CPVL: variants seen among roughly 807,000 people sequenced by gnomAD.
CPVL encodes the protein carboxypeptidase vitellogenic like.
In CPVL, 51 loss-of-function variants were observed where a neutral mutation model predicts 63.7. The observed-to-expected ratio is 0.80, with a 90% CI of 0.64 to 1.01. CPVL has a LOEUF of 1.01. Among genes scored for constraint, CPVL ranks in the 50% least tolerant of loss-of-function variants. The pLI, the probability that CPVL is intolerant of heterozygous loss-of-function variation, is 0.00. For synonymous variants in CPVL, 195 were observed against 206.0 expected (o/e 0.95, Z 0.46); for missense variants, 530 against 573.1 (o/e 0.92, Z 0.77).
intron 3 of CPVL, among the ~76,000 whole-genome samples, chr7:29,105,663 T>C (rs1787650962): frequency 6.6e-6 from 1 of 152,150 alleles, no homozygotes; most frequent in East Asian, 1.9e-4. Context: ...ATTTAATTTA[T>C]TTTTTTACTT....
intron 12 of CPVL, chr7:29,009,985 A>G (rs960376399): frequency 4.6e-5 from 7 of 152,312 alleles, no homozygotes; most frequent in Middle Eastern, 3.4e-3. Flanking sequence ...GAAATTTAAC[A>G]TGTTCTCTGC....
At chr7:29,146,679 A>G (rs1172585656), upstream of CPVL, 2 of 1,550,554 alleles carry the variant, frequency 1.3e-6, no homozygotes, top group Non-Finnish European at 1.7e-6. Flanking sequence ...CCCATGCTGG[A>G]AGAAGCAAGC....
chr7:29,164,912 A>G (rs759078624), intron 5 of CPVL, among the ~76,000 whole-genome samples: 5 of 151,786 alleles, frequency 3.3e-5, no homozygotes, highest in Non-Finnish European at 5.9e-5. Flanking sequence ...TTGTATATCT[A>G]TCATTATGAT....
At position 29,135,673 on chromosome 7, in the gene CPVL, AGAGT is replaced by A. The variant is rs1791139323; in HGVS notation, c.-11+10752_-11+10755del. Among the ~76,000 whole-genome samples, 11 of 151,774 alleles carry A rather than the reference AGAGT, an allele frequency of 7.2e-5. 1 individual carries two copies. The South Asian group carries it at 2.3e-3, about 32-fold the overall frequency. On this transcript the variant is annotated intron_variant, in intron 1 of 12. Transcript: ENST00000265394. ...ATAAATAAATATTCAGAAATACATA[AGAGT>A]TATTTATTTATTTTTATTTATTTAT...
intron 11 of CPVL, among the ~76,000 whole-genome samples, chr7:29,048,728 A>G (rs1274855344): frequency 5.9e-5 from 9 of 152,150 alleles, no homozygotes; most frequent in Non-Finnish European, 1.2e-4. Context: ...TACACATTCT[A>G]TTCAACAGCA....
At chr7:29,027,919 G>A (rs1372558843) in intron 12 of CPVL, among the ~76,000 whole-genome samples, 1 of 152,028 alleles carries the variant, frequency 6.6e-6, no homozygotes, top group Non-Finnish European at 1.5e-5. Context: ...CAATCTACAG[G>A]TTCAATGCAT....
chr7:29,175,053 C>A (rs994522075), intron 5 of CPVL, among the ~76,000 whole-genome samples: 1 of 152,086 alleles, frequency 6.6e-6, no homozygotes, highest in Non-Finnish European at 1.5e-5. Flanking sequence ...TTGTAGCTCC[C>A]ATAATTCCCA....
chr7:29,127,352 C>T (rs114975458), intron 1 of CPVL: 1 of 152,250 alleles, frequency 6.6e-6, no homozygotes, highest in African/African-American at 2.4e-5. Flanking sequence ...TTACTGAATG[C>T]TTACTATGTA....
At chr7:29,132,128 C>T (rs1037827606) in intron 1 of CPVL, among the ~76,000 whole-genome samples, 3 of 152,042 alleles carry the variant, frequency 2.0e-5, no homozygotes, top group African/African-American at 7.2e-5. Context: ...GGAAGGCCCC[C>T]CTGAGTAGGT....
In CPVL at chr7:29,064,114, C is replaced by G; in HGVS notation, c.1084G>C (p.Asp362His). The G allele has an allele frequency of 1.2e-6, 2 of 1,613,320 alleles. No homozygotes were observed. Among genetic ancestry groups the G allele is most frequent in the Non-Finnish European group, 1.7e-6 (2 of 1,179,356 alleles). The change falls in exon 11 of 13, where the codon GAT becomes CAT. Residue 362 changes from aspartate (D) to histidine (H), a missense_variant. Transcript: ENST00000265394. ...CATGGCTTAACTGACTGTACTGTAT[C>G]TTCTCGCAAGTACTTTTCAACTATA... Reference protein sequence around the residue: ...GTIVEKYLREDTVQSVKPWLT... With the variant: ...GTIVEKYLREHTVQSVKPWLT...
intron 1 of CPVL, chr7:29,127,434 C>T (rs1790152137): frequency 6.6e-6 from 1 of 151,952 alleles, no homozygotes; most frequent in Non-Finnish European, 1.5e-5. Flanking sequence ...ACAACCTTAC[C>T]TTGTCATCTC....
At chr7:29,063,633 C>T (rs941139571) in intron 11 of CPVL, among the ~76,000 whole-genome samples, 3 of 152,070 alleles carry the variant, frequency 2.0e-5, no homozygotes, top group African/African-American at 7.2e-5. Context: ...TGCAATGTTG[C>T]GATCTTGGCT....
intron 1 of CPVL, chr7:29,127,449 T>G (rs1204454439): frequency 6.6e-6 from 1 of 152,210 alleles, no homozygotes; most frequent in Non-Finnish European, 1.5e-5. Flanking sequence ...CATCTCATTT[T>G]ATAGACGAGA....
intron 12 of CPVL, among the ~76,000 whole-genome samples, chr7:28,998,382 T>C (rs1784294124): frequency 6.6e-6 from 1 of 152,202 alleles, no homozygotes. Context: ...AAACAAAGGA[T>C]AGCACAGTGC....
In CPVL at chr7:28,995,405, T is replaced by C. The variant is rs1051836113; in HGVS notation, c.*367A>G. 16 of 182,768 alleles carry C rather than the reference T, an allele frequency of 8.8e-5. No individual in the cohort carries two copies. The highest frequency in any genetic ancestry group is 1.8e-4 in the Non-Finnish European group (16 of 89,146). The allele number at this position is 182,768 out of a possible 1,614,324, so 11.3% of individuals were successfully genotyped here. A position where few individuals can be genotyped will look rare whatever the true frequency, so the allele number is the denominator to read the frequency against. On this transcript the variant is annotated 3_prime_UTR_variant, in exon 13 of 13. Coordinates refer to ENST00000265394, the MANE Select transcript of CPVL (RefSeq NM_031311.5). ...TTCACGGCATGCCAAACTTCTGTTA[T>C]TGGCAGAAAAAGATGTTACAGCTTT...
intron 1 of CPVL, chr7:29,145,956 T>G (rs991520036): frequency 6.6e-6 from 1 of 152,200 alleles, no homozygotes; most frequent in African/African-American, 2.4e-5. Flanking sequence ...CAAGTTTCCC[T>G]GCTTTGGGCA....
At chr7:29,119,724 C>T (rs1260757159) in intron 2 of CPVL, among the ~76,000 whole-genome samples, 1 of 152,148 alleles carries the variant, frequency 6.6e-6, no homozygotes, top group Non-Finnish European at 1.5e-5. Flanking sequence ...GTTGTTAAAG[C>T]TCCATCTTAT....
chr7:29,108,189 T>G (rs1325682888), intron 3 of CPVL, among the ~76,000 whole-genome samples: 1 of 152,214 alleles, frequency 6.6e-6, no homozygotes, highest in Non-Finnish European at 1.5e-5. Flanking sequence ...CCTCTTGGCC[T>G]GAGGATCAAG....
chr7:29,095,818 A>G (rs1786348815), intron 4 of CPVL, among the ~76,000 whole-genome samples: 1 of 152,202 alleles, frequency 6.6e-6, no homozygotes, highest in African/African-American at 2.4e-5. Context: ...AAATAGTAAT[A>G]AATACCAACT....
Sources: gnomAD v4.1 joint callset for allele counts (sites outside exome capture counted in the v4.1 genomes callset) on GRCh38, gnomAD v4.1.1 for gene constraint, MANE v1.5 for transcripts, NCBI Gene and HGNC (gene_info 2026-07-23, HGNC 2026-07-21) for gene names.